BACH2: variants seen among roughly 807,000 people sequenced by gnomAD.
BACH2 encodes the protein BACH transcriptional regulator 2.
In BACH2, 5 loss-of-function variants were observed where a neutral mutation model predicts 61.8. The observed-to-expected ratio is 0.08, with a 90% confidence interval of 0.04 to 0.17. The LOEUF (loss-of-function observed/expected upper bound fraction) is 0.17, where lower values mean the gene tolerates loss of function less well. Ranked by LOEUF, BACH2 falls within the 10% of genes least tolerant of loss-of-function variation. BACH2 has a pLI of 1.00. For synonymous variants in BACH2, 446 were observed against 440.1 expected (o/e 1.01, Z -0.17); for missense variants, 824 against 1,091.1 (o/e 0.76, Z 3.45).
rs189592600 is a variant in BACH2 at position 90,033,632 on chromosome 6, C to T, written c.-12-24776G>A. ...TAGCAAAGAATTGATTAAATAACAG[C>T]ATATGCGTTGTTAAATTCCCTATTA... On this transcript the variant is annotated intron_variant, in intron 5 of 8. Coordinates refer to ENST00000257749, the MANE Select transcript of BACH2 (RefSeq NM_021813.4). Among the ~76,000 whole-genome samples, 12 of 152,104 alleles carry T rather than the reference C, an allele frequency of 7.9e-5. No individual in the cohort carries two copies. The East Asian group carries it at 2.1e-3, about 27-fold the overall frequency.
Position 89,933,288 on chromosome 6 carries a change from T to C in BACH2, c.2044-398A>G, listed in dbSNP as rs937575184. On this transcript the variant is annotated intron_variant, in intron 8 of 8. Transcript: ENST00000257749. ...CCCCAAATGTATCAGGTTGCCATTT[T>C]TGAAAGGCAAAAATCTACCATTCCA... is the stretch of plus-strand genomic sequence containing the variant. 2.6e-5 allele frequency among the ~76,000 whole-genome samples: 4 copies of C among 152,320 alleles called. No individual in the cohort carries two copies. The South Asian group carries it at 6.2e-4, about 24-fold the overall frequency.
intron 5 of BACH2, among the ~76,000 whole-genome samples, chr6:90,065,389 G>T (rs1005928817): frequency 1.3e-5 from 2 of 149,222 alleles, no homozygotes; most frequent in Admixed American, 1.4e-4. Context: ...CCCAGGGGAG[G>T]CCTCCCCAGA....
intron 4 of BACH2, among the ~76,000 whole-genome samples, chr6:90,100,728 G>C (rs56233032): frequency 0.013 from 1,870 of 142,216 alleles, 38 homozygotes; most frequent in African/African-American, 0.039. Context: ...CACACACACA[G>C]ACACACACAC....
intron 3 of BACH2, among the ~76,000 whole-genome samples, chr6:90,223,232 C>T (rs1451765452): frequency 6.6e-6 from 1 of 152,188 alleles, no homozygotes; most frequent in Non-Finnish European, 1.5e-5. Flanking sequence ...GTACCCACCA[C>T]ATGTTAGGCA....
intron 7 of BACH2, among the ~76,000 whole-genome samples, chr6:89,947,438 A>C (rs899187460): frequency 6.6e-6 from 1 of 152,118 alleles, no homozygotes; most frequent in African/African-American, 2.4e-5. Flanking sequence ...ATTGGGAAAA[A>C]CCTTAACTTT....
chr6:89,953,902 G>A (rs912075585), intron 6 of BACH2, among the ~76,000 whole-genome samples: 8 of 152,270 alleles, frequency 5.3e-5, no homozygotes, highest in Non-Finnish European at 1.2e-4. Flanking sequence ...TAAAAAGGAG[G>A]TCTGACCGAC....
chr6:90,225,096 C>CAAA (rs869105304), intron 3 of BACH2, among the ~76,000 whole-genome samples: 1 of 151,840 alleles, frequency 6.6e-6, no homozygotes, highest in African/African-American at 2.4e-5. Context: ...ACAACAACAA[C>CAAA]AAACAAGGTT....
chr6:90,157,708 G>T (rs545828992), intron 4 of BACH2, among the ~76,000 whole-genome samples: 104 of 152,264 alleles, frequency 6.8e-4, no homozygotes, highest in Non-Finnish European at 1.3e-3. Context: ...GCAGATGGCC[G>T]CTTAGAGGAG....
intron 5 of BACH2, among the ~76,000 whole-genome samples, chr6:90,024,865 T>C (rs1778553854): frequency 6.6e-6 from 1 of 152,216 alleles, no homozygotes; most frequent in Non-Finnish European, 1.5e-5. Context: ...CCATCAGTAC[T>C]GAGCAATAGT....
chr6:90,001,352 G>C (rs1777124018), intron 6 of BACH2: 2 of 152,206 alleles, frequency 1.3e-5, no homozygotes, highest in African/African-American at 4.8e-5. Flanking sequence ...CTCTATCAGG[G>C]AAGGTCGTCC....
rs142657762 is a variant in BACH2, at chr6:90,066,697, T to A, written c.-13+22264A>T. The stretch of plus-strand genomic sequence containing the variant: ...CTGAGTACAAGGTATTATTAAGTCA[T>A]GTGTTCTGAGCCCATGAAGACACTA... On this transcript the variant is annotated intron_variant, in intron 5 of 8. Coordinates refer to ENST00000257749, the MANE Select transcript of BACH2 (RefSeq NM_021813.4). Among the ~76,000 whole-genome samples, 1,510 of 152,316 alleles carry A rather than the reference T, an allele frequency of 9.9e-3. 11 individuals are homozygous for A. Among genetic ancestry groups the A allele is most frequent in the Non-Finnish European group, 0.017 (1,174 of 68,024 alleles).
rs960318688 is a variant in BACH2, at chr6:89,928,867, T to G, written c.*3541A>C. 1.1e-4 allele frequency: 5 copies of G among 45,060 alleles called. No individual in the cohort carries two copies. Among genetic ancestry groups the G allele is most frequent in the African/African-American group, 4.6e-4 (5 of 10,890 alleles). The allele number at this position is 45,060 out of a possible 1,614,324, so 2.8% of individuals were successfully genotyped here. ...AGGATGGCCTCGTAACTTTGTCGGT[T>G]TTTTTTTTTTTAAAGTTTTTCTAAC... On this transcript the variant is annotated 3_prime_UTR_variant, in exon 9 of 9. Coordinates refer to ENST00000257749, the MANE Select transcript of BACH2 (RefSeq NM_021813.4).
chr6:90,008,279 C>G lies in BACH2; in HGVS notation c.243+323G>C, dbSNP rs978549027. On this transcript the variant is annotated intron_variant, in intron 6 of 8. Coordinates refer to ENST00000257749, the MANE Select transcript of BACH2 (RefSeq NM_021813.4). The surrounding 1 kb of genome is among the most constrained non-coding windows in gnomAD (Gnocchi z 4.1). ...ACCATCTGAAAGACAGAAATCATAGCAATGATTCAGATCCCACATCTAGGA... is the reference window on the plus strand; with the variant it reads ...ACCATCTGAAAGACAGAAATCATAGGAATGATTCAGATCCCACATCTAGGA... The G allele has an allele frequency of 5.6e-6, 2 of 354,214 alleles. No individual in the cohort carries two copies. The highest frequency in any genetic ancestry group is 7.8e-5 in the South Asian group (2 of 25,686). The allele number at this position is 354,214 out of a possible 1,614,324, so 21.9% of individuals were successfully genotyped here. A position where few individuals can be genotyped will look rare whatever the true frequency, so the allele number is the denominator to read the frequency against.
chr6:90,268,698 C>A (rs1562534893), intron 2 of BACH2, among the ~76,000 whole-genome samples: 3 of 151,986 alleles, frequency 2.0e-5, no homozygotes, highest in African/African-American at 7.2e-5. Context: ...AAAAACAAAA[C>A]TGGTCCTTCA....
chr6:89,987,025 G>A (rs933010539), intron 6 of BACH2, among the ~76,000 whole-genome samples: 8 of 152,098 alleles, frequency 5.3e-5, no homozygotes, highest in African/African-American at 1.4e-4. Flanking sequence ...CCAGCCTTCC[G>A]TCGCCTACTC....
At chr6:90,081,751 T>C (rs1364508066) in intron 5 of BACH2, among the ~76,000 whole-genome samples, 1 of 152,168 alleles carries the variant, frequency 6.6e-6, no homozygotes, top group Non-Finnish European at 1.5e-5. Flanking sequence ...GCTTACTAAA[T>C]ACTTCCTATT....
At chr6:89,939,040 C>T (rs940701777) in intron 7 of BACH2, among the ~76,000 whole-genome samples, 1 of 152,162 alleles carries the variant, frequency 6.6e-6, no homozygotes, top group Non-Finnish European at 1.5e-5. Flanking sequence ...AATTTATTTT[C>T]CAATTTTACA....
At chr6:90,191,158 G>C (rs1400830346) in intron 4 of BACH2, among the ~76,000 whole-genome samples, 1 of 152,186 alleles carries the variant, frequency 6.6e-6, no homozygotes, top group Non-Finnish European at 1.5e-5. Flanking sequence ...AAATCAGTAA[G>C]ACCTGCATAA....
intron 1 of BACH2, among the ~76,000 whole-genome samples, chr6:90,278,784 T>C (rs1168767203): frequency 6.6e-6 from 1 of 152,228 alleles, no homozygotes; most frequent in Non-Finnish European, 1.5e-5. Flanking sequence ...AGCTCTGATC[T>C]TCTTTTCTCT....
Sources: gnomAD v4.1 joint callset for allele counts (sites outside exome capture counted in the v4.1 genomes callset) on GRCh38, gnomAD v4.1.1 for gene constraint, Gnocchi (gnomAD v3.1) non-coding constraint, MANE v1.5 for transcripts, NCBI Gene and HGNC (gene_info 2026-07-23, HGNC 2026-07-21) for gene names.